The following UBAC2 variants were observed in gnomAD, a reference collection of about 807,000 sequenced individuals.
UBAC2 encodes the protein UBA domain containing 2, also known as ubiquitin-associated domain-containing protein 2.
In UBAC2, 26 loss-of-function variants were observed where a neutral mutation model predicts 44.0. The ratio of observed to expected loss-of-function variants is 0.59; its 90% CI spans 0.43 to 0.82. UBAC2 has a LOEUF of 0.82. Among genes scored for constraint, UBAC2 ranks in the 40% least tolerant of loss-of-function variants. The probability of loss-of-function intolerance (pLI) is 0.00; values close to 1 mark genes in which losing one functional copy is unlikely to be tolerated. For missense variants in UBAC2, 329 were observed against 419.4 expected (o/e 0.78, Z 1.88); for synonymous variants, 155 against 154.3 (o/e 1.00, Z -0.04).
intron 1 of UBAC2, among the ~76,000 whole-genome samples, chr13:99,217,510 C>T (rs371174116): frequency 6.6e-6 from 1 of 152,288 alleles, no homozygotes; most frequent in East Asian, 1.9e-4. Context: ...CTTTGTAGCT[C>T]GGGCAGCCTT....
chr13:99,307,791 G>A (rs2044358317), intron 4 of UBAC2, among the ~76,000 whole-genome samples: 1 of 152,160 alleles, frequency 6.6e-6, no homozygotes, highest in Non-Finnish European at 1.5e-5. Flanking sequence ...AAGGAAAATA[G>A]TGTCAACTTT....
chr13:99,278,212 T>C (rs2043908436), intron 4 of UBAC2, among the ~76,000 whole-genome samples: 1 of 152,226 alleles, frequency 6.6e-6, no homozygotes, highest in Non-Finnish European at 1.5e-5. Flanking sequence ...TTTTATGTAA[T>C]ATTTTTCTTA....
chr13:99,285,316 A>G (rs1295469148), intron 4 of UBAC2, among the ~76,000 whole-genome samples: 2 of 151,074 alleles, frequency 1.3e-5, no homozygotes, highest in Admixed American at 6.6e-5. Flanking sequence ...CCTTTGGTAG[A>G]GTATTTTTGT....
At chr13:99,288,517 A>G (rs1332063868) in intron 4 of UBAC2, among the ~76,000 whole-genome samples, 1 of 152,232 alleles carries the variant, frequency 6.6e-6, no homozygotes, top group Non-Finnish European at 1.5e-5. Flanking sequence ...TAACAACTAC[A>G]GTATTGCCAG....
At chr13:99,232,484 C>T (rs1190946582) in intron 1 of UBAC2, among the ~76,000 whole-genome samples, 2 of 148,062 alleles carry the variant, frequency 1.4e-5, no homozygotes, top group Admixed American at 6.8e-5. Context: ...TCTTAAACTT[C>T]GCCCAGTGGG....
chr13:99,250,619 G>A (rs988177847), intron 4 of UBAC2, among the ~76,000 whole-genome samples: 2 of 151,924 alleles, frequency 1.3e-5, no homozygotes, highest in African/African-American at 2.4e-5. Flanking sequence ...ATGACATTGT[G>A]GTTTGCTAGG....
chr13:99,368,894 A>G (rs1470520201), intron 8 of UBAC2, among the ~76,000 whole-genome samples: 1 of 152,010 alleles, frequency 6.6e-6, no homozygotes, highest in African/African-American at 2.4e-5. Context: ...AACGTACAGG[A>G]TAGCCCTGGA....
chr13:99,337,677 A>G (rs1262062013), intron 6 of UBAC2, among the ~76,000 whole-genome samples: 2 of 152,238 alleles, frequency 1.3e-5, no homozygotes, highest in African/African-American at 2.4e-5. Context: ...TGGAACCCCT[A>G]TGCTGACAGC....
intron 4 of UBAC2, among the ~76,000 whole-genome samples, chr13:99,298,149 G>A (rs971510337): frequency 1.3e-5 from 2 of 152,112 alleles, no homozygotes; most frequent in Admixed American, 1.3e-4. Context: ...CTATTATGAT[G>A]TGCTAGATAG....
chr13:99,218,053 GAGTT>G lies in UBAC2; in HGVS notation c.31+17116_31+17119del, dbSNP rs1271703601. 2.0e-5 allele frequency among the ~76,000 whole-genome samples: 3 copies of G among 152,240 alleles called. No homozygotes were observed. In the East Asian group the frequency reaches 5.8e-4, roughly 29 times the overall value. On this transcript the variant is annotated intron_variant, in intron 1 of 8. Coordinates refer to ENST00000403766, the MANE Select transcript of UBAC2 (RefSeq NM_001144072.2). ...TAAGCGTCCTGATTTACTTTATTTA[GAGTT>G]ATTCCAACTGTTAACTGATTTATCC...
At chr13:99,277,110 T>A (rs2043893795) in intron 4 of UBAC2, among the ~76,000 whole-genome samples, 4 of 152,302 alleles carry the variant, frequency 2.6e-5, no homozygotes, top group Admixed American at 2.6e-4. Flanking sequence ...ATTTTTAGGA[T>A]CATCTACTCT....
In UBAC2 at chr13:99,231,971, AC is replaced by A. The variant is rs377065284; in HGVS notation, c.32-6454del. Reference sequence around the variant, plus strand: ...TGTACTGAAGAGCTGGTGTTGTTTTACCAAATCATGGTAACTGAAGTCTGTG... The same window carrying A: ...TGTACTGAAGAGCTGGTGTTGTTTTACAAATCATGGTAACTGAAGTCTGTG... On this transcript the variant is annotated intron_variant, in intron 1 of 8. Coordinates refer to ENST00000403766, the MANE Select transcript of UBAC2 (RefSeq NM_001144072.2). Among the ~76,000 whole-genome samples, 437 of 152,316 alleles carry A rather than the reference AC, an allele frequency of 2.9e-3. 2 individuals carry two copies. Among genetic ancestry groups the A allele is most frequent in the African/African-American group, 0.01 (424 of 41,560 alleles).
At chr13:99,228,337 G>C (rs1237130016) in intron 1 of UBAC2, among the ~76,000 whole-genome samples, 1 of 151,532 alleles carries the variant, frequency 6.6e-6, no homozygotes, top group Non-Finnish European at 1.5e-5. Flanking sequence ...GCCCAGGCTG[G>C]AGTGCAATGG....
chr13:99,337,881 C>T (rs1197231596), intron 6 of UBAC2, among the ~76,000 whole-genome samples: 1 of 152,068 alleles, frequency 6.6e-6, no homozygotes, highest in Admixed American at 6.6e-5. Context: ...CCTCCTTCCA[C>T]AGGGCCTAGA....
intron 1 of UBAC2, among the ~76,000 whole-genome samples, chr13:99,235,221 C>A (rs577022967): frequency 2.0e-5 from 3 of 152,206 alleles, no homozygotes; most frequent in African/African-American, 7.2e-5. Flanking sequence ...AATCAATTAA[C>A]CAAAGATGTG....
intron 1 of UBAC2, among the ~76,000 whole-genome samples, chr13:99,210,430 T>C (rs947860143): frequency 6.6e-6 from 1 of 152,074 alleles, no homozygotes; most frequent in Non-Finnish European, 1.5e-5. Flanking sequence ...TCTTTTAAAA[T>C]GTAATCATAA....
chr13:99,343,632 T>C (rs1025190241), intron 7 of UBAC2, among the ~76,000 whole-genome samples: 2 of 152,236 alleles, frequency 1.3e-5, no homozygotes, highest in African/African-American at 4.8e-5. Flanking sequence ...AGTGGTCTGC[T>C]GGGCAGCACA....
Position 99,364,502 on chromosome 13 carries a change from A to G in UBAC2, c.808-3285A>G, listed in dbSNP as rs552808816. ...TCATAATGGCCTTGTCTAGTTTTGG[A>G]AACAGTGTTATGCTAGTCCCAAAAA... On this transcript the variant is annotated intron_variant, in intron 7 of 8. Transcript: ENST00000403766. Among the ~76,000 whole-genome samples, 25 of 151,890 alleles carry G rather than the reference A, an allele frequency of 1.6e-4. No homozygotes were observed. In the South Asian group the frequency reaches 5.0e-3, roughly 30 times the overall value.
chr13:99,219,099 A>C (rs917133365), intron 1 of UBAC2, among the ~76,000 whole-genome samples: 1 of 152,226 alleles, frequency 6.6e-6, no homozygotes, highest in African/African-American at 2.4e-5. Context: ...AGTCAGACAT[A>C]GGAAAACCAA....
Sources: gnomAD v4.1 joint callset for allele counts (sites outside exome capture counted in the v4.1 genomes callset) on GRCh38, gnomAD v4.1.1 for gene constraint, MANE v1.5 for transcripts, NCBI Gene and HGNC (gene_info 2026-07-23, HGNC 2026-07-21) for gene names.